CAMTA1: variants seen among roughly 807,000 people sequenced by gnomAD.
CAMTA1 encodes the protein calmodulin binding transcription activator 1.
A neutral mutation model predicts 170.9 loss-of-function variants in CAMTA1; 27 were observed. The ratio of observed to expected loss-of-function variants is 0.16; its 90% CI spans 0.12 to 0.22. The LOEUF is 0.22. CAMTA1 is among the 10% of genes least tolerant of loss of function. CAMTA1 has a pLI of 1.00. For synonymous variants in CAMTA1, 833 were observed against 891.5 expected (o/e 0.93, Z 1.17); for missense variants, 1,619 against 2,217.2 (o/e 0.73, Z 5.42).
intron 6 of CAMTA1, among the ~76,000 whole-genome samples, chr1:7,574,721 G>T (rs1164727617): frequency 6.6e-6 from 1 of 152,182 alleles, no homozygotes; most frequent in Non-Finnish European, 1.5e-5. Flanking sequence ...TGCCTTCCTG[G>T]GGACAGTCTT....
rs2092963693 is a variant in CAMTA1 at position 7,456,827 on chromosome 1, G to A, written c.439-11003G>A. On this transcript the variant is annotated intron_variant, in intron 5 of 22. Coordinates refer to ENST00000303635, the MANE Select transcript of CAMTA1 (RefSeq NM_015215.4). This position sits in a 1 kb window ranked among gnomAD's most constrained non-coding sequence, Gnocchi z 4.9. ...CCTGGCTGAACGTCCTCAGAGGGTGGGAAAACAGGCAGGTGAGAGTGGCCA... is the reference window on the plus strand; with the variant it reads ...CCTGGCTGAACGTCCTCAGAGGGTGAGAAAACAGGCAGGTGAGAGTGGCCA... 6.6e-6 allele frequency among the ~76,000 whole-genome samples: 1 copy of A among 152,222 alleles called. No individual in the cohort carries two copies.
At chr1:7,726,386 T>C (rs1330829822) in intron 11 of CAMTA1, among the ~76,000 whole-genome samples, 1 of 152,160 alleles carries the variant, frequency 6.6e-6, no homozygotes, top group Non-Finnish European at 1.5e-5. Context: ...TATAGCCTCC[T>C]ATGTGGCCAC....
chr1:6,982,233 G>A (rs1423147767), intron 3 of CAMTA1, among the ~76,000 whole-genome samples: 2 of 152,134 alleles, frequency 1.3e-5, no homozygotes, highest in Non-Finnish European at 2.9e-5. Context: ...TCTGGTAGGT[G>A]CGCCGATGGC....
chr1:7,656,523 CA>C (rs1390430285), intron 7 of CAMTA1, among the ~76,000 whole-genome samples: 2 of 152,228 alleles, frequency 1.3e-5, no homozygotes, highest in African/African-American at 4.8e-5. Flanking sequence ...GTTAGGGCTT[CA>C]ACCTATGGAT....
At chr1:6,946,078 T>C (rs1181699923) in intron 3 of CAMTA1, among the ~76,000 whole-genome samples, 1 of 152,224 alleles carries the variant, frequency 6.6e-6, no homozygotes, top group Non-Finnish European at 1.5e-5. Flanking sequence ...TTTGAGGAAC[T>C]GCCAGCCTGT....
In CAMTA1 at chr1:7,287,350, T is replaced by C. The variant is rs1195507176; in HGVS notation, c.438+37724T>C. ...CAAATCGGATGTCATCTCCCTGTGA[T>C]GGTGTGGACATGGGGCGATAGTCAT... On this transcript the variant is annotated intron_variant, in intron 5 of 22. Transcript: ENST00000303635. 3.9e-5 allele frequency among the ~76,000 whole-genome samples: 6 copies of C among 152,344 alleles called. No homozygotes were observed. In the South Asian group the frequency reaches 1.2e-3, roughly 32 times the overall value.
intron 5 of CAMTA1, among the ~76,000 whole-genome samples, chr1:7,403,351 A>G (rs1392087908): frequency 6.6e-6 from 1 of 152,116 alleles, no homozygotes; most frequent in African/African-American, 2.4e-5. Context: ...CTCCATCTCA[A>G]AAAAAAGAAA....
At chr1:7,434,657 A>G (rs2092289503) in intron 5 of CAMTA1, among the ~76,000 whole-genome samples, 1 of 152,096 alleles carries the variant, frequency 6.6e-6, no homozygotes, top group Non-Finnish European at 1.5e-5. Flanking sequence ...TTTCCCATCA[A>G]TGGTTCTGGA....
rs543410921 is a variant in CAMTA1, at chr1:7,665,523, G to A, written c.2652+324G>A. Among the ~76,000 whole-genome samples, 4 of 152,172 alleles carry A rather than the reference G, an allele frequency of 2.6e-5. No homozygotes were observed. Among genetic ancestry groups the A allele is most frequent in the African/African-American group, 9.6e-5 (4 of 41,526 alleles). On this transcript the variant is annotated intron_variant, in intron 9 of 22. Transcript: ENST00000303635. The surrounding 1 kb of genome is among the most constrained non-coding windows in gnomAD (Gnocchi z 4.3). ...GAGCCAAGGAGTTCCAAACCAACCTGGGCAACGTAGTGAGAACTGGTTTCA... is the reference window on the plus strand; with the variant it reads ...GAGCCAAGGAGTTCCAAACCAACCTAGGCAACGTAGTGAGAACTGGTTTCA...
chr1:7,480,981 C>G (rs1326781723), intron 6 of CAMTA1, among the ~76,000 whole-genome samples: 2 of 152,198 alleles, frequency 1.3e-5, no homozygotes, highest in African/African-American at 4.8e-5. Flanking sequence ...TGCCTTAGAG[C>G]ATCGATGGCT....
chr1:7,384,737 C>A (rs1198191589), intron 5 of CAMTA1, among the ~76,000 whole-genome samples: 1 of 152,104 alleles, frequency 6.6e-6, no homozygotes, highest in Non-Finnish European at 1.5e-5. Context: ...CAGCATGTAA[C>A]TGGGTGTGCG....
rs1304588806 is a variant in CAMTA1, at chr1:7,398,580, G to T, written c.439-69250G>T. Among the ~76,000 whole-genome samples the T allele has an allele frequency of 3.3e-5, 5 of 151,934 alleles. No individual in the cohort carries two copies. The East Asian group carries it at 9.7e-4, about 29-fold the overall frequency. ...TTCAGCCACTCTGTATCTTTTACCTGGGAAACTTAATCCATTTACATTGAA... is the reference window on the plus strand; with the variant it reads ...TTCAGCCACTCTGTATCTTTTACCTTGGAAACTTAATCCATTTACATTGAA... On this transcript the variant is annotated intron_variant, in intron 5 of 22. Coordinates refer to ENST00000303635, the MANE Select transcript of CAMTA1 (RefSeq NM_015215.4).
chr1:7,556,908 T>C (rs1003125905), intron 6 of CAMTA1, among the ~76,000 whole-genome samples: 1 of 152,032 alleles, frequency 6.6e-6, no homozygotes, highest in Non-Finnish European at 1.5e-5. Context: ...ACTCCAGAAA[T>C]AGCTATAGAA....
intron 7 of CAMTA1, among the ~76,000 whole-genome samples, chr1:7,658,047 G>A (rs1249871421): frequency 6.6e-6 from 1 of 152,180 alleles, no homozygotes. Context: ...CTGCCAGCCA[G>A]GGGATTCAAA....
intron 5 of CAMTA1, among the ~76,000 whole-genome samples, chr1:7,281,172 T>TA (rs1671454757): frequency 6.6e-6 from 1 of 152,224 alleles, no homozygotes; most frequent in South Asian, 2.1e-4. Flanking sequence ...GAAATTATAT[T>TA]AAAGACATTC....
chr1:7,355,066 CATG>C (rs1198397370), intron 5 of CAMTA1, among the ~76,000 whole-genome samples: 2 of 151,956 alleles, frequency 1.3e-5, no homozygotes, highest in African/African-American at 4.8e-5. Context: ...ATTATCCAGG[CATG>C]GTGGTGGGTG....
At position 7,592,297 on chromosome 1, in the gene CAMTA1, G is replaced by A. The variant is rs2095361070; in HGVS notation, c.511-48103G>A. ...CTTGCCATCACTGTCCTTCCCCTTT[G>A]TGCTAGCTCACCGGACTGGCAGCAG... On this transcript the variant is annotated intron_variant, in intron 6 of 22. Coordinates refer to ENST00000303635, the MANE Select transcript of CAMTA1 (RefSeq NM_015215.4). This position sits in a 1 kb window ranked among gnomAD's most constrained non-coding sequence, Gnocchi z 4.6. Among the ~76,000 whole-genome samples the A allele has an allele frequency of 1.3e-5, 2 of 152,050 alleles. No homozygotes were observed. Among genetic ancestry groups the A allele is most frequent in the South Asian group, 4.1e-4 (2 of 4,822 alleles).
At chr1:7,618,304 A>C (rs1394049871) in intron 6 of CAMTA1, among the ~76,000 whole-genome samples, 1 of 152,206 alleles carries the variant, frequency 6.6e-6, no homozygotes, top group Non-Finnish European at 1.5e-5. Context: ...CCCAAGCCAG[A>C]CCAGATTCCA....
rs1320117604 is a variant in CAMTA1 at position 7,063,777 on chromosome 1, G to T, written c.235-27527G>T. Among the ~76,000 whole-genome samples the T allele has an allele frequency of 6.6e-6, 1 of 152,242 alleles. No homozygotes were observed. The highest frequency in any genetic ancestry group is 1.5e-5 in the Non-Finnish European group (1 of 68,048). On this transcript the variant is annotated intron_variant, in intron 3 of 22. Coordinates refer to ENST00000303635, the MANE Select transcript of CAMTA1 (RefSeq NM_015215.4). The surrounding 1 kb of genome is among the most constrained non-coding windows in gnomAD (Gnocchi z 4.3). ...GCACTGGTTGTGCGATTAGCATCCTGCCAGGGATGCTGGGAACACAGTGGT... is the reference window on the plus strand; with the variant it reads ...GCACTGGTTGTGCGATTAGCATCCTTCCAGGGATGCTGGGAACACAGTGGT...
Sources: gnomAD v4.1 joint callset for allele counts (sites outside exome capture counted in the v4.1 genomes callset) on GRCh38, gnomAD v4.1.1 for gene constraint, Gnocchi (gnomAD v3.1) non-coding constraint, MANE v1.5 for transcripts, NCBI Gene and HGNC (gene_info 2026-07-23, HGNC 2026-07-21) for gene names.